Variants in FAAH2 observed in about 807,000 individuals in gnomAD.
The protein encoded by FAAH2 is fatty-acid amide hydrolase 2.
Under a neutral mutation model 36.9 loss-of-function variants are expected in FAAH2, and 60 were observed. That is an observed-to-expected ratio of 1.63 (90% confidence interval 1.32 to 2.02). The LOEUF (loss-of-function observed/expected upper bound fraction) is 2.02. Ranked by LOEUF, FAAH2 falls within the 30% of genes most tolerant of loss-of-function variation. The pLI is 0.00. For missense variants in FAAH2, 689 were observed against 397.5 expected, an observed-to-expected ratio of 1.73 and a Z score of -6.23; for synonymous variants, 214 against 143.8, an observed-to-expected ratio of 1.49 and a Z score of -3.49.
At chrX:57,181,966 A>G in the FAAH2 span, among the ~76,000 whole-genome samples, 27 of 111,873 alleles carry the variant, frequency 2.4e-4, no homozygotes, top group Admixed American at 2.2e-3. Flanking sequence ...TAACAAAAAC[A>G]AGCAATAGAA....
At chrX:57,417,778 C>T (rs1181528747) in intron 7 of FAAH2, among the ~76,000 whole-genome samples, 2 of 112,081 alleles carry the variant, frequency 1.8e-5, no homozygotes, top group African/African-American at 3.2e-5. Flanking sequence ...ATCTGCTGCT[C>T]TCTTCAGAGT....
chrX:57,198,302 T>TA, the FAAH2 span, among the ~76,000 whole-genome samples: 1 of 111,433 alleles, frequency 9.0e-6, no homozygotes, highest in Non-Finnish European at 1.9e-5. Context: ...GTTTTGTTCT[T>TA]AGGGGGATTA....
the FAAH2 span, among the ~76,000 whole-genome samples, chrX:57,217,827 G>T: frequency 1.8e-5 from 2 of 111,715 alleles, no homozygotes; most frequent in Non-Finnish European, 1.9e-5. Context: ...GAATGATGGT[G>T]GTATTTTGAT....
chrX:57,214,529 C>T, the FAAH2 span, among the ~76,000 whole-genome samples: 3 of 111,116 alleles, frequency 2.7e-5, no homozygotes, highest in African/African-American at 3.3e-5. Context: ...TGAGTTCAAG[C>T]GATTATCCTG....
At chrX:57,162,132 C>A in the FAAH2 span, among the ~76,000 whole-genome samples, 2 of 111,403 alleles carry the variant, frequency 1.8e-5, no homozygotes, top group East Asian at 5.6e-4. Context: ...CTTAGTTTGG[C>A]TGGATATGAA....
rs983301495 is a variant in FAAH2, at chrX:57,341,401, T to A, written c.742+11T>A. ...ACAAGCCTTCTCCAGGTAATGTTAATATGATCAGAAGGGTGGTTCTACTTT... is the reference window on the plus strand; with the variant it reads ...ACAAGCCTTCTCCAGGTAATGTTAAAATGATCAGAAGGGTGGTTCTACTTT... On this transcript the variant is annotated intron_variant, in intron 5 of 10. Coordinates refer to ENST00000374900, the MANE Select transcript of FAAH2 (RefSeq NM_174912.4). 1 of 1,205,839 alleles carries A rather than the reference T, an allele frequency of 8.3e-7. No homozygotes were observed. Among genetic ancestry groups the A allele is most frequent in the Admixed American group, 2.2e-5 (1 of 45,210 alleles).
At chrX:57,341,087 G>A (rs2053674677) in intron 4 of FAAH2, among the ~76,000 whole-genome samples, 184 bp from the exon 5 acceptor site, 1 of 111,929 alleles carries the variant, frequency 8.9e-6, no homozygotes, top group Non-Finnish European at 1.9e-5. Flanking sequence ...AATGTAAATG[G>A]CTTAATATTC....
chrX:57,354,819 T>C (rs780764865), intron 5 of FAAH2, among the ~76,000 whole-genome samples: 3 of 110,872 alleles, frequency 2.7e-5, no homozygotes, highest in Admixed American at 1.9e-4. Context: ...ATTTTCCAAA[T>C]TTTCCATAAT....
chrX:57,456,970 C>A (rs1158822701), intron 10 of FAAH2, among the ~76,000 whole-genome samples: 1 of 111,588 alleles, frequency 9.0e-6, no homozygotes, highest in African/African-American at 3.3e-5. Context: ...ATACAAAAAT[C>A]TGGCAGAGAC....
intron 6 of FAAH2, among the ~76,000 whole-genome samples, chrX:57,380,548 C>A (rs763932258): frequency 8.0e-5 from 9 of 111,962 alleles, no homozygotes; most frequent in Non-Finnish European, 1.7e-4. Context: ...GTCATTACAT[C>A]TAAGCAATGC....
chrX:57,259,536 C>T, the FAAH2 span, among the ~76,000 whole-genome samples: 2 of 111,731 alleles, frequency 1.8e-5, no homozygotes, highest in Non-Finnish European at 3.8e-5. Context: ...CACAGAAAGA[C>T]AAATATTGCA....
chrX:57,396,711 A>G (rs1569316788), intron 7 of FAAH2, among the ~76,000 whole-genome samples: 1 of 111,900 alleles, frequency 8.9e-6, no homozygotes. Flanking sequence ...TGATATAATT[A>G]TTATTTTTTC....
chrX:57,320,934 C>T (rs368258516), intron 3 of FAAH2, among the ~76,000 whole-genome samples: 2 of 111,188 alleles, frequency 1.8e-5, no homozygotes, highest in Admixed American at 9.6e-5. Flanking sequence ...GTCGGCAGAT[C>T]GAGACCATCC....
intron 10 of FAAH2, among the ~76,000 whole-genome samples, chrX:57,450,715 A>G (rs899292545): frequency 5.4e-5 from 6 of 111,290 alleles, no homozygotes; most frequent in African/African-American, 2.0e-4. Flanking sequence ...TAAATCAGAT[A>G]TTTAATTTTT....
rs761787877 is a variant in FAAH2 at position 57,470,301 on chromosome X, G to T, written c.1424-18456G>T. 3.6e-5 allele frequency among the ~76,000 whole-genome samples: 4 copies of T among 111,310 alleles called. No individual in the cohort carries two copies. In the South Asian group the frequency reaches 1.5e-3, roughly 42 times the overall value. ...ACAAAAAACCCTTCAAAATATCAAC[G>T]AATCCAGGAGCTGGTTTTTTGAAAA... On this transcript the variant is annotated intron_variant, in intron 10 of 10. Transcript: ENST00000374900.
intron 7 of FAAH2, among the ~76,000 whole-genome samples, chrX:57,423,424 A>G (rs2056084746): frequency 9.0e-6 from 1 of 111,025 alleles, no homozygotes. Context: ...TTTTGTTCCA[A>G]TCAGGGAGTT....
the FAAH2 span, among the ~76,000 whole-genome samples, chrX:57,203,738 G>A: frequency 8.9e-6 from 1 of 112,108 alleles, no homozygotes; most frequent in Non-Finnish European, 1.9e-5. Context: ...GCTCCTTTAA[G>A]CACTCCAGTT....
chrX:57,328,566 C>G (rs1224651112), intron 3 of FAAH2, among the ~76,000 whole-genome samples: 1 of 111,447 alleles, frequency 9.0e-6, no homozygotes, highest in Admixed American at 9.6e-5. Flanking sequence ...CTCATTTCAG[C>G]CATCTCAGCC....
chrX:57,187,420 C>T, the FAAH2 span, among the ~76,000 whole-genome samples: 1 of 110,941 alleles, frequency 9.0e-6, no homozygotes, highest in Non-Finnish European at 1.9e-5. Context: ...GATTTTGTAT[C>T]CTGAGACTTT....
Sources: allele counts gnomAD v4.1 joint callset (sites outside exome capture counted in the v4.1 genomes callset), GRCh38; gene constraint gnomAD v4.1.1; transcripts MANE v1.5; gene names NCBI Gene and HGNC (gene_info 2026-07-23, HGNC 2026-07-21).